Variants in KCTD16 observed in about 807,000 individuals in gnomAD.
KCTD16 encodes BTB/POZ domain-containing protein KCTD16.
KCTD16 carries 13 observed loss-of-function variants against 33.2 expected under a neutral mutation model. The ratio of observed to expected loss-of-function variants is 0.39; its 90% CI spans 0.25 to 0.62. KCTD16 has a LOEUF of 0.62. Among genes scored for constraint, KCTD16 ranks in the 20% least tolerant of loss-of-function variants. The probability of loss-of-function intolerance (pLI) is 0.50; values close to 1 mark genes in which losing one functional copy is unlikely to be tolerated. For synonymous variants in KCTD16, 197 were observed against 195.3 expected (o/e 1.01, Z -0.07); for missense variants, 441 against 525.1 (o/e 0.84, Z 1.57).
intron 3 of KCTD16, among the ~76,000 whole-genome samples, chr5:144,314,549 G>C (rs1367490113): frequency 6.6e-6 from 1 of 152,168 alleles, no homozygotes; most frequent in African/African-American, 2.4e-5. Context: ...AGAGTGTCCT[G>C]TGTCCAGACC....
intron 3 of KCTD16, among the ~76,000 whole-genome samples, chr5:144,231,271 TG>T (rs1319612072): frequency 6.6e-6 from 1 of 152,170 alleles, no homozygotes; most frequent in Non-Finnish European, 1.5e-5. Context: ...ATATGCCTTA[TG>T]GAGTCTTTCT....
Position 144,252,319 on chromosome 5 carries a change from T to C in KCTD16, c.832+44773T>C, listed in dbSNP as rs182475905. Among the ~76,000 whole-genome samples the C allele has an allele frequency of 9.2e-5, 14 of 152,312 alleles. No homozygotes were observed. In the East Asian group the frequency reaches 2.5e-3, roughly 27 times the overall value. On this transcript the variant is annotated intron_variant, in intron 3 of 3. Transcript: ENST00000512467. ...ATCTGAGTAAATAGTACTTACTAAA[T>C]AGCCCATGTCTGGGGCTATCTAAAA...
At chr5:144,214,230 G>A (rs931451330) in intron 3 of KCTD16, among the ~76,000 whole-genome samples, 5 of 151,882 alleles carry the variant, frequency 3.3e-5, no homozygotes, top group East Asian at 1.9e-4. Context: ...CCTCAGGTCC[G>A]TCCTCTTCTT....
chr5:144,392,990 A>G (rs1359303922), intron 3 of KCTD16, among the ~76,000 whole-genome samples: 1 of 152,198 alleles, frequency 6.6e-6, no homozygotes, highest in Non-Finnish European at 1.5e-5. Context: ...AATTATATTA[A>G]TTGATACTGT....
At chr5:144,430,412 T>G (rs1310715250) in intron 3 of KCTD16, among the ~76,000 whole-genome samples, 1 of 152,116 alleles carries the variant, frequency 6.6e-6, no homozygotes, top group African/African-American at 2.4e-5. Flanking sequence ...TGAGTTTGCC[T>G]GTGGCAGATG....
intron 3 of KCTD16, among the ~76,000 whole-genome samples, chr5:144,381,386 T>G (rs913959378): frequency 6.6e-6 from 1 of 152,124 alleles, no homozygotes; most frequent in African/African-American, 2.4e-5. Flanking sequence ...AAGCAGTGTA[T>G]TAGGCTGTTC....
At chr5:144,331,650 A>T (rs1195942386) in intron 3 of KCTD16, among the ~76,000 whole-genome samples, 2 of 152,198 alleles carry the variant, frequency 1.3e-5, no homozygotes, top group African/African-American at 2.4e-5. Flanking sequence ...AATTGAAGGT[A>T]CAATGTTACT....
intron 3 of KCTD16, among the ~76,000 whole-genome samples, chr5:144,414,838 T>C (rs1002648773): frequency 1.9e-4 from 29 of 152,170 alleles, no homozygotes; most frequent in African/African-American, 6.0e-4. Context: ...ATGAGAGCCT[T>C]GTATTCGTGT....
chr5:144,195,340 G>T (rs1752921045), intron 2 of KCTD16, among the ~76,000 whole-genome samples: 3 of 152,184 alleles, frequency 2.0e-5, no homozygotes, highest in African/African-American at 7.2e-5. Context: ...TTTCTACCAG[G>T]CAACAAATGT....
intron 2 of KCTD16, among the ~76,000 whole-genome samples, chr5:144,199,762 G>A (rs974190759): frequency 7.3e-6 from 1 of 137,434 alleles, no homozygotes; most frequent in Non-Finnish European, 1.5e-5. Flanking sequence ...TTGTCATCAG[G>A]CTGGAGTGCA....
chr5:144,342,622 C>A (rs376833250), intron 3 of KCTD16, among the ~76,000 whole-genome samples: 25 of 152,184 alleles, frequency 1.6e-4, no homozygotes, highest in African/African-American at 2.6e-4. Context: ...TATGTTGAAT[C>A]GGAGTGGTGA....
chr5:144,439,284 G>A, intron 3 of KCTD16: 1 of 437,950 alleles, frequency 2.3e-6, no homozygotes, highest in Non-Finnish European at 4.4e-6. Flanking sequence ...GTTGCCCAAG[G>A]ACATAGCCAA....
intron 3 of KCTD16, among the ~76,000 whole-genome samples, chr5:144,254,538 G>A (rs1480163162): frequency 6.6e-6 from 1 of 152,026 alleles, no homozygotes; most frequent in Non-Finnish European, 1.5e-5. Context: ...TACTTAACAT[G>A]AGATCTGCCC....
chr5:144,290,938 C>G (rs975626202), intron 3 of KCTD16, among the ~76,000 whole-genome samples: 1 of 152,090 alleles, frequency 6.6e-6, no homozygotes, highest in Non-Finnish European at 1.5e-5. Context: ...TATTTATAAC[C>G]TTCTTGGTTC....
chr5:144,357,172 G>A (rs528106338), intron 3 of KCTD16, among the ~76,000 whole-genome samples: 15 of 151,976 alleles, frequency 9.9e-5, no homozygotes, highest in Non-Finnish European at 1.8e-4. Flanking sequence ...AAGGAAAAAA[G>A]AGGTACGTCA....
At chr5:144,239,956 A>G (rs1754355806) in intron 3 of KCTD16, among the ~76,000 whole-genome samples, 1 of 152,072 alleles carries the variant, frequency 6.6e-6, no homozygotes, top group Admixed American at 6.6e-5. Context: ...GATAATAGTA[A>G]TTGCTTCCAT....
chr5:144,429,337 A>T lies in KCTD16; in HGVS notation c.833-44323A>T, dbSNP rs72802405. On this transcript the variant is annotated intron_variant, in intron 3 of 3. Coordinates refer to ENST00000512467, the MANE Select transcript of KCTD16 (RefSeq NM_020768.4). The stretch of plus-strand genomic sequence containing the variant: ...AATAAACAAGGCAGCTGAGTTCCCT[A>T]TGGCTGCTTTTCCCTCTGTAAGTTG... Among the ~76,000 whole-genome samples the T allele has an allele frequency of 2.9e-3, 445 of 152,248 alleles. 1 individual carries two copies. Among genetic ancestry groups the T allele is most frequent in the Non-Finnish European group, 4.3e-3 (294 of 68,020 alleles).
At position 144,425,360 on chromosome 5, in the gene KCTD16, C is replaced by T. The variant is rs115221880; in HGVS notation, c.833-48300C>T. On this transcript the variant is annotated intron_variant, in intron 3 of 3. Transcript: ENST00000512467. ...TATAGCCTTGTTGGGCTCATCCCACCCAGCAGCTCTCTCAGGTTGGAGTCT... is the reference window on the plus strand; with the variant it reads ...TATAGCCTTGTTGGGCTCATCCCACTCAGCAGCTCTCTCAGGTTGGAGTCT... Among the ~76,000 whole-genome samples the T allele has an allele frequency of 5.2e-3, 791 of 151,996 alleles. 5 individuals are homozygous for T. Among genetic ancestry groups the T allele is most frequent in the African/African-American group, 0.018 (760 of 41,476 alleles).
At chr5:144,303,062 G>A (rs1194190192) in intron 3 of KCTD16, among the ~76,000 whole-genome samples, 1 of 152,142 alleles carries the variant, frequency 6.6e-6, no homozygotes, top group Non-Finnish European at 1.5e-5. Context: ...TGAGTGTTTG[G>A]TTGTATAATT....
Sources: allele counts gnomAD v4.1 joint callset (sites outside exome capture counted in the v4.1 genomes callset), GRCh38; gene constraint gnomAD v4.1.1; transcripts MANE v1.5; gene names NCBI Gene and HGNC (gene_info 2026-07-23, HGNC 2026-07-21).